IGDCC4: variants seen among roughly 807,000 people sequenced by gnomAD.
IGDCC4 encodes the protein likely ortholog of mouse neighbor of Punc E11.
In IGDCC4, 72 loss-of-function variants were observed where a neutral mutation model predicts 116.6. That is an observed-to-expected ratio of 0.62 (90% CI 0.51 to 0.75). IGDCC4 has a LOEUF of 0.75. IGDCC4 is among the 30% of genes least tolerant of loss of function. The probability of loss-of-function intolerance (pLI) is 0.00; values close to 1 mark genes in which losing one functional copy is unlikely to be tolerated. For missense variants in IGDCC4, 1,501 were observed against 1,662.4 expected, an observed-to-expected ratio of 0.90 and a Z score of 1.69; for synonymous variants, 709 against 719.9, an observed-to-expected ratio of 0.98 and a Z score of 0.24.
intron 8 of IGDCC4, 59 bp downstream of exon 8, chr15:65,395,035 C>A: frequency 6.5e-7 from 1 of 1,531,334 alleles, no homozygotes; most frequent in Non-Finnish European, 8.9e-7. Context: ...AGGGTGAGCT[C>A]CCCTCCCCAG....
chr15:65,399,843 G>A (rs928167094), intron 5 of IGDCC4, among the ~76,000 whole-genome samples: 2 of 152,260 alleles, frequency 1.3e-5, no homozygotes, highest in Non-Finnish European at 2.9e-5. Flanking sequence ...GTAATAGAAT[G>A]AGTTGGGGAA....
At position 65,392,096 on chromosome 15, in the gene IGDCC4, C is replaced by G. The variant is rs763073380; in HGVS notation, c.2122+38G>C. 1.1e-5 allele frequency: 16 copies of G among 1,512,554 alleles called. No individual in the cohort carries two copies. In the South Asian group the frequency reaches 1.7e-4, roughly 16 times the overall value. 93.7% of individuals were successfully genotyped at this position (1,512,554 alleles called of 1,614,324 possible). On this transcript the variant is annotated intron_variant, in intron 11 of 19. Coordinates refer to ENST00000352385, the MANE Select transcript of IGDCC4 (RefSeq NM_020962.3). ...ACAACTTGCCCAGTCCCCACTGAAG[C>G]TACATCCCTCCCTCCCCCTCCCCCC...
At chr15:65,400,348 C>G (rs571482271) in intron 5 of IGDCC4, among the ~76,000 whole-genome samples, 1 of 152,230 alleles carries the variant, frequency 6.6e-6, no homozygotes. Flanking sequence ...ACCAGTCACA[C>G]AAAGACAGCA....
chr15:65,410,989 C>T (rs940924896), intron 2 of IGDCC4, 31 bp downstream of exon 2: 2 of 1,557,834 alleles, frequency 1.3e-6, no homozygotes, highest in Non-Finnish European at 1.7e-6. Context: ...TGGGTTTCAG[C>T]CTCAGACCCC....
chr15:65,397,053 G>T, intron 5 of IGDCC4, 64 bp from the exon 6 acceptor site: 2 of 1,524,754 alleles, frequency 1.3e-6, no homozygotes, highest in East Asian at 2.4e-5. Flanking sequence ...TTCAGTCTCC[G>T]AACCTCAGGA....
rs1197695547 is a variant in IGDCC4, at chr15:65,384,038, G to A, written c.3724C>T (p.Pro1242Ser). The change falls in exon 20 of 20, where the codon CCC becomes TCC. Residue 1242 changes from proline (P) to serine (S), a missense_variant. Coordinates refer to ENST00000352385, the MANE Select transcript of IGDCC4 (RefSeq NM_020962.3). This position sits in a 1 kb window ranked among gnomAD's most constrained non-coding sequence, Gnocchi z 4.9. ...PCPLGASPGL[P>S]RSPVSSSA ...GCAGAGGAGGAGACCGGGGATCTGG[G>A]CAGGCCTGGGCTGGCTCCTAGAGGG... is the stretch of plus-strand genomic sequence containing the variant. 1 of 1,604,804 alleles carries A rather than the reference G, an allele frequency of 6.2e-7. No homozygotes were observed. Among genetic ancestry groups the A allele is most frequent in the Admixed American group, 1.7e-5 (1 of 59,466 alleles).
chr15:65,421,335 T>G (rs1340503973), intron 1 of IGDCC4, among the ~76,000 whole-genome samples: 3 of 152,122 alleles, frequency 2.0e-5, no homozygotes, highest in African/African-American at 7.2e-5. Flanking sequence ...AGGGGAACTA[T>G]TCCTTAATCC....
intron 1 of IGDCC4, among the ~76,000 whole-genome samples, chr15:65,416,383 C>T (rs918825016): frequency 1.3e-5 from 2 of 152,046 alleles, no homozygotes; most frequent in African/African-American, 4.8e-5. Context: ...GTGATCCGCC[C>T]GCCTCGGCCT....
chr15:65,392,359 G>C lies in IGDCC4; in HGVS notation c.1897C>G (p.Pro633Ala). The change falls in exon 11 of 20, where the codon CCT becomes GCT. Residue 633 changes from proline (P) to alanine (A), a missense_variant. Pro to Ala is a conservative substitution (Grantham distance 27). Coordinates refer to ENST00000352385, the MANE Select transcript of IGDCC4 (RefSeq NM_020962.3). ...MHNQSHVPFAPAELKVQAKME... is the reference protein window; with the variant it reads ...MHNQSHVPFAAAELKVQAKME... ...TTTGCCTGCACCTTCAACTCTGCAG[G>C]GGCAAAAGGGACTGGGGGGCAGAGG... 1 of 1,527,404 alleles carries C rather than the reference G, an allele frequency of 6.5e-7. No individual in the cohort carries two copies. The highest frequency in any genetic ancestry group is 8.8e-7 in the Non-Finnish European group (1 of 1,135,140). 94.6% of individuals were successfully genotyped at this position (1,527,404 alleles called of 1,614,324 possible). A position where few individuals can be genotyped will look rare whatever the true frequency, so the allele number is the denominator to read the frequency against.
intron 6 of IGDCC4, chr15:65,396,440 C>G: frequency 1.6e-6 from 1 of 620,530 alleles, no homozygotes; most frequent in Non-Finnish European, 2.9e-6. Context: ...CCTCCCGGAT[C>G]TAACCCCACC....
Position 65,385,214 on chromosome 15 carries a change from G to A in IGDCC4, c.3181-99C>T. On this transcript the variant is annotated intron_variant, in intron 18 of 19. Transcript: ENST00000352385. ...AATTGGGATGGGCCGCGGGGGAGCA[G>A]GGTCCAGACTGTCACCCGCTGCTCT... is the stretch of plus-strand genomic sequence containing the variant. 2.4e-6 allele frequency: 3 copies of A among 1,258,078 alleles called. No homozygotes were observed. The South Asian group carries it at 4.2e-5, about 18-fold the overall frequency. 77.9% of individuals were successfully genotyped at this position (1,258,078 alleles called of 1,614,324 possible).
At position 65,392,377 on chromosome 15, in the gene IGDCC4, G is replaced by C; in HGVS notation, c.1886-7C>G. On this transcript the variant is annotated splice_polypyrimidine_tract_variant and splice_region_variant and intron_variant, in intron 10 of 19. Transcript: ENST00000352385. Reference sequence around the variant, plus strand: ...TCTGCAGGGGCAAAAGGGACTGGGGGGCAGAGGAGCAGGATGGGAAAATTA... The same window carrying C: ...TCTGCAGGGGCAAAAGGGACTGGGGCGCAGAGGAGCAGGATGGGAAAATTA... 3 of 1,501,390 alleles carry C rather than the reference G, an allele frequency of 2.0e-6. No homozygotes were observed. The highest frequency in any genetic ancestry group is 2.7e-6 in the Non-Finnish European group (3 of 1,122,204). 93.0% of individuals were successfully genotyped at this position (1,501,390 alleles called of 1,614,324 possible).
chr15:65,416,621 C>T (rs547681260), intron 1 of IGDCC4, among the ~76,000 whole-genome samples: 1 of 152,240 alleles, frequency 6.6e-6, no homozygotes, highest in African/African-American at 2.4e-5. Flanking sequence ...GGCTGACCCC[C>T]AACATTTTTA....
intron 1 of IGDCC4, among the ~76,000 whole-genome samples, chr15:65,421,731 C>T (rs546439841): frequency 6.6e-6 from 1 of 151,988 alleles, no homozygotes; most frequent in South Asian, 2.1e-4. Flanking sequence ...CTCAGCTCCC[C>T]CCTCCGCGGG....
In IGDCC4 at chr15:65,397,167, G is replaced by A. The variant is rs374660627; in HGVS notation, c.842-178C>T. On this transcript the variant is annotated intron_variant, in intron 5 of 19. Transcript: ENST00000352385. ...GCCCGGCTGTCTCCATCTGTAAGGG[G>A]GAATTAGCCCTTAACTGGCAGGGTT... is the stretch of plus-strand genomic sequence containing the variant. Among the ~76,000 whole-genome samples the A allele has an allele frequency of 3.3e-5, 5 of 152,204 alleles. 1 individual carries two copies. The South Asian group carries it at 1.0e-3, about 32-fold the overall frequency.
Position 65,410,546 on chromosome 15 carries a change from A to G in IGDCC4, c.422-227T>C, listed in dbSNP as rs569982970. On this transcript the variant is annotated intron_variant, in intron 2 of 19. Coordinates refer to ENST00000352385, the MANE Select transcript of IGDCC4 (RefSeq NM_020962.3). Reference sequence around the variant, plus strand: ...AGCCCCCCTGCCCAACATCATCATGATGGTCAAACTATACAGTAAGATGCA... The same window carrying G: ...AGCCCCCCTGCCCAACATCATCATGGTGGTCAAACTATACAGTAAGATGCA... 1.5e-5 allele frequency: 9 copies of G among 582,986 alleles called. No individual in the cohort carries two copies. In the Admixed American group the frequency reaches 2.6e-4, roughly 17 times the overall value. 36.1% of individuals were successfully genotyped at this position (582,986 alleles called of 1,614,324 possible). A position where few individuals can be genotyped will look rare whatever the true frequency, so the allele number is the denominator to read the frequency against.
chr15:65,412,190 G>T (rs140639889), intron 1 of IGDCC4, among the ~76,000 whole-genome samples: 1 of 152,252 alleles, frequency 6.6e-6, no homozygotes, highest in East Asian at 1.9e-4. Flanking sequence ...CTGCACTCCA[G>T]CCTGGCTGGC....
At position 65,410,257 on chromosome 15, in the gene IGDCC4, A is replaced by T. The variant is rs367644742; in HGVS notation, c.484T>A (p.Phe162Ile). The change falls in exon 3 of 20, where the codon TTT becomes ATT. Residue 162 changes from phenylalanine to isoleucine, a missense_variant. Physicochemically the swap from Phe to Ile is conservative, Grantham distance 21. Coordinates refer to ENST00000352385, the MANE Select transcript of IGDCC4 (RefSeq NM_020962.3). ...GGCAGCCCTTCAATGTGGCACTCAA[A>T]GCGAGCTGTCCCGTTCTCCTCCACC... ...QTVEENGTAR[F>I]ECHIEGLPAP... is the part of the protein sequence containing the mutation. 22 of 1,613,922 alleles carry T rather than the reference A, an allele frequency of 1.4e-5. No homozygotes were observed. Among genetic ancestry groups the T allele is most frequent in the Non-Finnish European group, 1.9e-5 (22 of 1,180,034 alleles).
rs1354838280 is a variant in IGDCC4 at position 65,396,945 on chromosome 15, T to C, written c.886A>G (p.Asn296Asp). 6.3e-7 allele frequency: 1 copy of C among 1,577,842 alleles called. No homozygotes were observed. The highest frequency in any genetic ancestry group is 1.8e-5 in the Admixed American group (1 of 54,494). Residue 296 changes from asparagine to aspartate, a missense_variant, in exon 6 of 20, where the codon AAC (asparagine) becomes GAC (aspartate). By Grantham distance (23) the Asn-to-Asp change is conservative. This residue lies in a region of IGDCC4 where 898 missense variants were observed against 978.9 expected (regional missense o/e 0.92). Coordinates refer to ENST00000352385, the MANE Select transcript of IGDCC4 (RefSeq NM_020962.3). ...STDVIVLGRTNLLIANAQPWH... is the reference protein window; with the variant it reads ...STDVIVLGRTDLLIANAQPWH... ...GGCTGCGCGTTGGCAATTAGTAGGT[T>C]GGTGCGGCCCAGGACGATGACATCT...
Sources: gnomAD v4.1 joint callset for allele counts (sites outside exome capture counted in the v4.1 genomes callset) on GRCh38, gnomAD v4.1.1 for gene constraint, gnomAD v4.1.1 regional missense constraint, Gnocchi (gnomAD v3.1) non-coding constraint, MANE v1.5 for transcripts, NCBI Gene and HGNC (gene_info 2026-07-23, HGNC 2026-07-21) for gene names.